Variants in TRIM29 observed in about 807,000 individuals in gnomAD.
The protein encoded by TRIM29 is tripartite motif-containing protein 29.
In TRIM29, 52 loss-of-function variants were observed where a neutral mutation model predicts 57.3. That is an observed-to-expected ratio of 0.91 (90% confidence interval 0.73 to 1.14). TRIM29 has a LOEUF of 1.14. TRIM29 is among the 50% of genes most tolerant of loss of function. The pLI, the probability that TRIM29 is intolerant of heterozygous loss-of-function variation, is 0.00. For synonymous variants in TRIM29, 319 were observed against 316.9 expected, an observed-to-expected ratio of 1.01 and a Z score of -0.07; for missense variants, 753 against 774.6, an observed-to-expected ratio of 0.97 and a Z score of 0.33.
intron 6 of TRIM29, among the ~76,000 whole-genome samples, chr11:120,119,789 C>G (rs1239633458): frequency 6.6e-6 from 1 of 152,130 alleles, no homozygotes. Context: ...GGGGGCTGAC[C>G]CAGTCCCCTC....
At chr11:120,122,410 G>A (rs1291441041) in intron 5 of TRIM29, among the ~76,000 whole-genome samples, 4 of 152,184 alleles carry the variant, frequency 2.6e-5, no homozygotes, top group Non-Finnish European at 5.9e-5. Context: ...GTGCTAGGCC[G>A]GCACCTTGCA....
chr11:120,122,690 G>A (rs1863487349), intron 5 of TRIM29, among the ~76,000 whole-genome samples: 1 of 152,216 alleles, frequency 6.6e-6, no homozygotes, highest in Admixed American at 6.5e-5. Context: ...GCAAAGAGGT[G>A]CTGCCTGTGT....
chr11:120,116,986 G>A, intron 7 of TRIM29: 1 of 440,650 alleles, frequency 2.3e-6, no homozygotes, highest in East Asian at 7.3e-5. Flanking sequence ...AGCCCACTGC[G>A]ACCCAGTGGT....
intron 2 of TRIM29, among the ~76,000 whole-genome samples, chr11:120,128,024 CA>C (rs1422417932): frequency 6.6e-6 from 1 of 152,184 alleles, no homozygotes; most frequent in African/African-American, 2.4e-5. Context: ...TGCAATTACC[CA>C]AACCATGGCA....
intron 2 of TRIM29, 86 bp downstream of exon 2, chr11:120,128,314 G>T: frequency 8.6e-7 from 1 of 1,165,522 alleles, no homozygotes; most frequent in Non-Finnish European, 1.3e-6. Flanking sequence ...GTGGGCCTGG[G>T]ACTCAAATGG....
chr11:120,124,960 C>G (rs12419830), intron 4 of TRIM29: 1 of 152,414 alleles, frequency 6.6e-6, no homozygotes, highest in African/African-American at 2.4e-5. Flanking sequence ...CTCAAGGCCC[C>G]GTGCAACGCC....
intron 1 of TRIM29, among the ~76,000 whole-genome samples, chr11:120,134,123 G>A (rs553859098): frequency 1.1e-4 from 16 of 152,322 alleles, no homozygotes; most frequent in African/African-American, 3.8e-4. Context: ...GGGAAGACAG[G>A]AGGACATGTA....
rs1039141129 is a variant in TRIM29, at chr11:120,137,027, G to T, written c.804+201C>A. ...GTCCCTGTCTCCTGAGACCTTAGGG[G>T]ATTGGGGAGCAACCTCTGATCCCCA... is the stretch of plus-strand genomic sequence containing the variant. On this transcript the variant is annotated intron_variant, in intron 1 of 8. Coordinates refer to ENST00000341846, the MANE Select transcript of TRIM29 (RefSeq NM_012101.4). The surrounding 1 kb of genome is among the most constrained non-coding windows in gnomAD (Gnocchi z 6.2). Among the ~76,000 whole-genome samples the T allele has an allele frequency of 6.6e-6, 1 of 152,184 alleles. No homozygotes were observed. Among genetic ancestry groups the T allele is most frequent in the Non-Finnish European group, 1.5e-5 (1 of 68,034 alleles).
Position 120,137,181 on chromosome 11 carries a change from G to C in TRIM29, c.804+47C>G. On this transcript the variant is annotated intron_variant, in intron 1 of 8. Coordinates refer to ENST00000341846, the MANE Select transcript of TRIM29 (RefSeq NM_012101.4). The surrounding 1 kb of genome is among the most constrained non-coding windows in gnomAD (Gnocchi z 6.2). ...AGAAGATGAAGTTCGGAGGGGTGGG[G>C]TGAGAGAGGAGAGGCCTGGAGGGGC... 6.3e-7 allele frequency: 1 copy of C among 1,596,840 alleles called. No individual in the cohort carries two copies. The highest frequency in any genetic ancestry group is 1.1e-5 in the South Asian group (1 of 89,852).
chr11:120,120,659 AC>A lies in TRIM29; in HGVS notation c.1441del (p.Val481SerfsTer61), dbSNP rs1248838227. On this transcript the variant is annotated frameshift_variant, in exon 6 of 9. Coordinates refer to ENST00000341846, the MANE Select transcript of TRIM29 (RefSeq NM_012101.4). LOFTEE classifies it high-confidence loss of function. ...AGACGAGGGCTGGTATGATGTCCGG[AC>A]CCCACCTGTGAAGCAGATGAAGGGG... is the stretch of plus-strand genomic sequence containing the variant. The part of the protein sequence containing the change: ...YSMYLTPKGG[V>X]RTSYQPSSPG... 1.2e-6 allele frequency: 2 copies of A among 1,613,442 alleles called. No individual in the cohort carries two copies. The highest frequency in any genetic ancestry group is 1.7e-6 in the Non-Finnish European group (2 of 1,179,882).
Position 120,138,032 on chromosome 11 carries a change from C to T in TRIM29, c.-1G>A. The T allele has an allele frequency of 1.3e-6, 2 of 1,593,622 alleles. No individual in the cohort carries two copies. Among genetic ancestry groups the T allele is most frequent in the Non-Finnish European group, 1.7e-6 (2 of 1,176,398 alleles). ...TCCTGGAGGCATCTGCAGCTTCCAT[C>T]GCAGGGTGCTTGGCTGAGCTGTTTC... is the stretch of plus-strand genomic sequence containing the variant. On this transcript the variant is annotated 5_prime_UTR_variant, in exon 1 of 9. Coordinates refer to ENST00000341846, the MANE Select transcript of TRIM29 (RefSeq NM_012101.4).
At position 120,122,971 on chromosome 11, in the gene TRIM29, A is replaced by G; in HGVS notation, c.1418T>C (p.Met473Thr). The G allele has an allele frequency of 1.2e-6, 2 of 1,614,024 alleles. No individual in the cohort carries two copies. Among genetic ancestry groups the G allele is most frequent in the Non-Finnish European group, 1.7e-6 (2 of 1,179,954 alleles). Residue 473 changes from methionine to threonine, a missense_variant, in exon 5 of 9, where the codon ATG becomes ACG. Met to Thr is a moderately conservative substitution (Grantham distance 81). Coordinates refer to ENST00000341846, the MANE Select transcript of TRIM29 (RefSeq NM_012101.4). ...SAPDTMKRYSMYLTPKGGVRT... is the reference protein window; with the variant it reads ...SAPDTMKRYSTYLTPKGGVRT... ...CCTCTTACCTTTGGGTGTCAGGTACATGGAGTATCTCTTCATGGTGTCCGG... is the reference window on the plus strand; with the variant it reads ...CCTCTTACCTTTGGGTGTCAGGTACGTGGAGTATCTCTTCATGGTGTCCGG...
chr11:120,121,189 C>A (rs1379599713), intron 5 of TRIM29, among the ~76,000 whole-genome samples: 1 of 152,164 alleles, frequency 6.6e-6, no homozygotes, highest in Non-Finnish European at 1.5e-5. Flanking sequence ...CCCCACCTGA[C>A]CCTCAGATGA....
chr11:120,118,288 G>A lies in TRIM29; in HGVS notation c.1562C>T (p.Ser521Phe), dbSNP rs185266068. 53 of 1,613,944 alleles carry A rather than the reference G, an allele frequency of 3.3e-5. No individual in the cohort carries two copies. In the East Asian group the frequency reaches 8.7e-4, roughly 26 times the overall value. The change falls in exon 7 of 9, where the codon TCC (serine) becomes TTC (phenylalanine). Residue 521 changes from serine (S) to phenylalanine (F), a missense_variant. By Grantham distance (155) the Ser-to-Phe change is radical. Coordinates refer to ENST00000341846, the MANE Select transcript of TRIM29 (RefSeq NM_012101.4). ...NYTSRVWEYS[S>F]SIQNSDNDLP... is the part of the protein sequence containing the mutation. The stretch of plus-strand genomic sequence containing the variant: ...GTCATTGTCAGAGTTCTGAATGCTG[G>A]AGGAGTACTCCCAGACCCGGGAGGT...
intron 8 of TRIM29, among the ~76,000 whole-genome samples, chr11:120,112,826 C>T (rs1863168370): frequency 6.6e-6 from 1 of 152,204 alleles, no homozygotes; most frequent in Admixed American, 6.5e-5. Context: ...CTCCACAGAA[C>T]TTCACAGCAC....
At chr11:120,122,207 C>T (rs943859192) in intron 5 of TRIM29, among the ~76,000 whole-genome samples, 7 of 151,810 alleles carry the variant, frequency 4.6e-5, no homozygotes, top group African/African-American at 1.5e-4. Flanking sequence ...GAGGCTTCCC[C>T]CTCCCCAGCC....
intron 5 of TRIM29, chr11:120,121,530 T>C (rs1665994369): frequency 6.4e-6 from 1 of 155,938 alleles, no homozygotes. Context: ...CCACAGTGCT[T>C]GGGCAGGGAT....
chr11:120,127,727 A>T (rs1402143065), intron 2 of TRIM29, among the ~76,000 whole-genome samples, 158 bp from the exon 3 acceptor site: 1 of 152,146 alleles, frequency 6.6e-6, no homozygotes, highest in Non-Finnish European at 1.5e-5. Context: ...ATTCAAAGGC[A>T]TCACTGAGGG....
chr11:120,134,611 G>A (rs1051433944), intron 1 of TRIM29, among the ~76,000 whole-genome samples: 10 of 152,192 alleles, frequency 6.6e-5, no homozygotes, highest in Admixed American at 2.0e-4. Context: ...ACTTCTCCCC[G>A]CCTAGCCCTA....
Sources: gnomAD v4.1 joint callset for allele counts (sites outside exome capture counted in the v4.1 genomes callset) on GRCh38, gnomAD v4.1.1 for gene constraint, Gnocchi (gnomAD v3.1) non-coding constraint, MANE v1.5 for transcripts, NCBI Gene and HGNC (gene_info 2026-07-23, HGNC 2026-07-21) for gene names.